The following SLC12A7 variants were observed in gnomAD, a reference collection of about 807,000 sequenced individuals.
SLC12A7 encodes the protein K-Cl cotransporter 4.
Under a neutral mutation model 120.6 loss-of-function variants are expected in SLC12A7, and 100 were observed. That is an observed-to-expected ratio of 0.83 (90% CI 0.71 to 0.98). The LOEUF (loss-of-function observed/expected upper bound fraction) is 0.98, where lower values mean the gene tolerates loss of function less well. Ranked by LOEUF, SLC12A7 falls within the 50% of genes least tolerant of loss-of-function variation. The pLI, the probability that SLC12A7 is intolerant of heterozygous loss-of-function variation, is 0.00. For missense variants in SLC12A7, 1,373 were observed against 1,548.1 expected (o/e 0.89, Z 1.90); for synonymous variants, 760 against 678.0 (o/e 1.12, Z -1.88).
At chr5:1,068,786 T>G (rs1028250212) in intron 17 of SLC12A7, among the ~76,000 whole-genome samples, 4 of 152,262 alleles carry the variant, frequency 2.6e-5, no homozygotes, top group Non-Finnish European at 5.9e-5. Flanking sequence ...TGAGCGCAGC[T>G]CTTCCCATGG....
chr5:1,127,109 G>A, the SLC12A7 span, among the ~76,000 whole-genome samples: 1 of 152,178 alleles, frequency 6.6e-6, no homozygotes, highest in African/African-American at 2.4e-5. Flanking sequence ...CCACCGCCCA[G>A]GTTCAAGTGA....
At chr5:1,086,098 G>A (rs1053674517) in intron 6 of SLC12A7, among the ~76,000 whole-genome samples, 13 of 152,156 alleles carry the variant, frequency 8.5e-5, no homozygotes, top group Non-Finnish European at 1.5e-4. Context: ...CGGCAGCCAC[G>A]GCACCCGGGG....
intron 3 of SLC12A7, among the ~76,000 whole-genome samples, chr5:1,089,331 G>A (rs1463329810): frequency 3.3e-5 from 5 of 152,168 alleles, no homozygotes; most frequent in Admixed American, 3.3e-4. Flanking sequence ...TTAGGGGAGG[G>A]GAGCAGAACC....
upstream of SLC12A7, among the ~76,000 whole-genome samples, chr5:1,112,652 TC>T (rs1191330273): frequency 2.8e-4 from 12 of 42,268 alleles, no homozygotes; most frequent in Non-Finnish European, 4.6e-4. Flanking sequence ...CCCCTCCTGT[TC>T]CCCCCTGCCA....
the SLC12A7 span, among the ~76,000 whole-genome samples, chr5:1,131,546 C>T: frequency 3.9e-5 from 6 of 152,200 alleles, no homozygotes; most frequent in East Asian, 1.9e-4. Context: ...GGGCATGCTC[C>T]GGGCAACCTG....
the SLC12A7 span, among the ~76,000 whole-genome samples, chr5:1,124,190 C>CA: frequency 6.6e-6 from 1 of 152,214 alleles, no homozygotes; most frequent in East Asian, 1.9e-4. Flanking sequence ...CTCAGGGACC[C>CA]ACTTCACAGG....
chr5:1,101,323 G>A (rs1265466811), intron 1 of SLC12A7, among the ~76,000 whole-genome samples: 1 of 152,184 alleles, frequency 6.6e-6, no homozygotes, highest in East Asian at 1.9e-4. Context: ...CATGCACCAG[G>A]CTGACCTATC....
chr5:1,099,859 G>A (rs376694978), intron 1 of SLC12A7, among the ~76,000 whole-genome samples: 7 of 152,272 alleles, frequency 4.6e-5, no homozygotes, highest in South Asian at 2.1e-4. Context: ...CAACCACCAC[G>A]GTCCCCTCCG....
chr5:1,075,997 C>G (rs1293570385), intron 14 of SLC12A7, 141 bp downstream of exon 14: 2 of 665,884 alleles, frequency 3.0e-6, no homozygotes, highest in Non-Finnish European at 5.1e-6. Flanking sequence ...TCTTCAGGCC[C>G]AGAGCAGCTG....
chr5:1,121,296 G>C, the SLC12A7 span, among the ~76,000 whole-genome samples: 6 of 152,368 alleles, frequency 3.9e-5, no homozygotes, highest in Admixed American at 2.0e-4. Flanking sequence ...GGAGTTCCCT[G>C]TGTCGGTCCC....
At position 1,058,156 on chromosome 5, in the gene SLC12A7, G is replaced by A. The variant is rs573156354; in HGVS notation, c.2848-507C>T. ...GCTGGCAGGGGCCCTGTGGGGCACC[G>A]CTGGGGCCAATGACAGGGCCGGCCC... On this transcript the variant is annotated intron_variant, in intron 21 of 23. Coordinates refer to ENST00000264930, the MANE Select transcript of SLC12A7 (RefSeq NM_006598.3). 1.8e-4 allele frequency among the ~76,000 whole-genome samples: 27 copies of A among 152,342 alleles called. No individual in the cohort carries two copies. The South Asian group carries it at 5.0e-3, about 28-fold the overall frequency.
At chr5:1,069,198 T>C (rs940811348) in intron 17 of SLC12A7, among the ~76,000 whole-genome samples, 6 of 152,222 alleles carry the variant, frequency 3.9e-5, no homozygotes, top group African/African-American at 1.4e-4. Flanking sequence ...CCTGAGAAGG[T>C]GGCCATCCAC....
At chr5:1,134,299 G>A in the SLC12A7 span, among the ~76,000 whole-genome samples, 297 of 152,096 alleles carry the variant, frequency 2.0e-3, 4 homozygotes, top group South Asian at 0.012. Flanking sequence ...ATGAAACCCC[G>A]TCTCTACTAA....
chr5:1,099,908 G>C (rs1741840716), intron 1 of SLC12A7, among the ~76,000 whole-genome samples: 1 of 152,210 alleles, frequency 6.6e-6, no homozygotes, highest in Non-Finnish European at 1.5e-5. Flanking sequence ...GGAATTCCGG[G>C]GTCCCCCAGG....
rs1377585745 is a variant in SLC12A7 at position 1,065,487 on chromosome 5, G to C, written c.2242-9C>G. On this transcript the variant is annotated splice_polypyrimidine_tract_variant and intron_variant, in intron 17 of 23. Coordinates refer to ENST00000264930, the MANE Select transcript of SLC12A7 (RefSeq NM_006598.3). ...ATTAGGGACCGTATGTTCTGCGGGA[G>C]ACAGGACAGGTTGGTGCTACAGCAG... The C allele has an allele frequency of 6.4e-7, 1 of 1,564,092 alleles. No individual in the cohort carries two copies. Among genetic ancestry groups the C allele is most frequent in the South Asian group, 1.2e-5 (1 of 84,306 alleles).
At chr5:1,132,643 GGGC>G in the SLC12A7 span, among the ~76,000 whole-genome samples, 3 of 152,104 alleles carry the variant, frequency 2.0e-5, no homozygotes, top group Non-Finnish European at 4.4e-5. Flanking sequence ...GACCATTCCA[GGGC>G]CAGCTTTCCC....
intron 3 of SLC12A7, among the ~76,000 whole-genome samples, chr5:1,089,932 C>T (rs1472879596): frequency 6.6e-6 from 1 of 152,266 alleles, no homozygotes; most frequent in Non-Finnish European, 1.5e-5. Context: ...AGCAGAGGCA[C>T]GTGGCTCAGA....
At chr5:1,079,354 C>A (rs979118334) in intron 10 of SLC12A7, 44 bp downstream of exon 10, 15 of 1,517,146 alleles carry the variant, frequency 9.9e-6, no homozygotes, top group Non-Finnish European at 1.4e-5. Context: ...GGGCCTCCCC[C>A]CAGGCAGAGG....
At chr5:1,152,387 C>A in the SLC12A7 span, among the ~76,000 whole-genome samples, 1 of 152,364 alleles carries the variant, frequency 6.6e-6, no homozygotes, top group Admixed American at 6.5e-5. Flanking sequence ...TGGCACCACC[C>A]TCCTTGATGC....
Sources: gnomAD v4.1 joint callset for allele counts (sites outside exome capture counted in the v4.1 genomes callset) on GRCh38, gnomAD v4.1.1 for gene constraint, MANE v1.5 for transcripts, NCBI Gene and HGNC (gene_info 2026-07-23, HGNC 2026-07-21) for gene names.